The following TCF3 variants were observed in gnomAD, a reference collection of about 807,000 sequenced individuals.
TCF3 encodes transcription factor E2-alpha.
TCF3 carries 54 observed loss-of-function variants against 72.3 expected under a neutral mutation model. That is an observed-to-expected ratio of 0.75 (90% CI 0.60 to 0.94). The LOEUF is 0.94. Ranked by LOEUF, TCF3 falls within the 40% of genes least tolerant of loss-of-function variation. The probability of loss-of-function intolerance (pLI) is 0.00; values close to 1 mark genes in which losing one functional copy is unlikely to be tolerated. For synonymous variants in TCF3, 525 were observed against 412.6 expected (o/e 1.27, Z -3.30); for missense variants, 1,078 against 934.4 (o/e 1.15, Z -2.00).
intron 3 of TCF3, among the ~76,000 whole-genome samples, chr19:1,645,727 C>T (rs1335424333): frequency 6.6e-6 from 1 of 152,166 alleles, no homozygotes; most frequent in Non-Finnish European, 1.5e-5. Flanking sequence ...CCACGTCTCC[C>T]CTATCTGTCC....
In TCF3 at chr19:1,610,199, T is replaced by A. The variant is rs1429586162; in HGVS notation, c.*1508A>T. 1 of 232,058 alleles carries A rather than the reference T, an allele frequency of 4.3e-6. No homozygotes were observed. Among genetic ancestry groups the A allele is most frequent in the African/African-American group, 2.2e-5 (1 of 45,246 alleles). 14.4% of individuals were successfully genotyped at this position (232,058 alleles called of 1,614,324 possible). A position where few individuals can be genotyped will look rare whatever the true frequency, so the allele number is the denominator to read the frequency against. ...CACAGATGGGCCCGAGGGGACACCCTGCTGGTTCTGCAGCAGGGTCGGACG... is the reference window on the plus strand; with the variant it reads ...CACAGATGGGCCCGAGGGGACACCCAGCTGGTTCTGCAGCAGGGTCGGACG... On this transcript the variant is annotated 3_prime_UTR_variant, in exon 19 of 19. Transcript: ENST00000262965.
chr19:1,615,917 G>C lies in TCF3; in HGVS notation c.1451-96C>G. The C allele has an allele frequency of 2.8e-6, 4 of 1,415,518 alleles. No homozygotes were observed. In the Admixed American group the frequency reaches 7.7e-5, roughly 27 times the overall value. 87.7% of individuals were successfully genotyped at this position (1,415,518 alleles called of 1,614,324 possible). A position where few individuals can be genotyped will look rare whatever the true frequency, so the allele number is the denominator to read the frequency against. ...GTGGTGAGGGACTTGGGCTTTCCTGGAAAAACCAGGTCTTGGCCAAAAATA... is the reference window on the plus strand; with the variant it reads ...GTGGTGAGGGACTTGGGCTTTCCTGCAAAAACCAGGTCTTGGCCAAAAATA... On this transcript the variant is annotated intron_variant, in intron 16 of 18. Coordinates refer to ENST00000262965, the MANE Select transcript of TCF3 (RefSeq NM_003200.5). This position sits in a 1 kb window ranked among gnomAD's most constrained non-coding sequence, Gnocchi z 7.3.
chr19:1,632,045 T>A lies in TCF3; in HGVS notation c.291A>T (p.Gly97=). ...SLSSSTFLGP[G]LGGKSGERGA... is the part of the protein sequence containing the mutation. ...ACCAGGCCAGGCACTCACCTCCGAGTCCCGGTCCCAGGAATGTGGATGAAG... is the reference window on the plus strand; with the variant it reads ...ACCAGGCCAGGCACTCACCTCCGAGACCCGGTCCCAGGAATGTGGATGAAG... Residue 97 remains glycine (G), a synonymous_variant, in exon 5 of 19, where the codon GGA becomes GGT. Transcript: ENST00000262965. The A allele has an allele frequency of 6.2e-7, 1 of 1,613,018 alleles. No individual in the cohort carries two copies. Among genetic ancestry groups the A allele is most frequent in the Non-Finnish European group, 8.5e-7 (1 of 1,179,690 alleles).
chr19:1,630,440 C>T (rs1466477471), intron 5 of TCF3, among the ~76,000 whole-genome samples: 3 of 152,190 alleles, frequency 2.0e-5, no homozygotes, highest in Admixed American at 1.3e-4. Context: ...GTCCCTGCCC[C>T]GCTGTGGGGC....
rs2061910325 is a variant in TCF3, at chr19:1,619,451, C to G, written c.1191G>C (p.Leu397=). The change falls in exon 15 of 19, where the codon CTG becomes CTC. Residue 397 remains leucine, a synonymous_variant. Transcript: ENST00000262965. ...TGCGGAGCACGTGGATGGCCTCGTC[C>G]AGGTGGTCTTCTATCTTACTCTGCT... ...HGLQSKIEDH[L]DEAIHVLRSH... The G allele has an allele frequency of 6.3e-7, 1 of 1,585,746 alleles. No homozygotes were observed. The highest frequency in any genetic ancestry group is 8.5e-7 in the Non-Finnish European group (1 of 1,171,508).
At position 1,611,455 on chromosome 19, in the gene TCF3, C is replaced by T; in HGVS notation, c.*252G>A. On this transcript the variant is annotated 3_prime_UTR_variant, in exon 19 of 19. Coordinates refer to ENST00000262965, the MANE Select transcript of TCF3 (RefSeq NM_003200.5). ...ATCCATGGGACAGGTCACAGAGTGA[C>T]ACGGTGGCTGAGATTCGGGGACAGG... 2.1e-6 allele frequency: 1 copy of T among 483,706 alleles called. No homozygotes were observed. The highest frequency in any genetic ancestry group is 3.6e-6 in the Non-Finnish European group (1 of 276,714). 30.0% of individuals were successfully genotyped at this position (483,706 alleles called of 1,614,324 possible).
intron 3 of TCF3, among the ~76,000 whole-genome samples, chr19:1,644,514 G>A (rs147002972): frequency 1.4e-4 from 21 of 152,294 alleles, no homozygotes; most frequent in South Asian, 8.3e-4. Flanking sequence ...CAAAGCCTCC[G>A]CCCTAACGTG....
At chr19:1,612,339 C>T in intron 18 of TCF3, 2 of 1,613,974 alleles carry the variant, frequency 1.2e-6, no homozygotes, top group Non-Finnish European at 1.7e-6. Flanking sequence ...TCGTTAATAT[C>T]CCGCACGCGC....
At chr19:1,619,759 T>TGGG in intron 14 of TCF3, 21 bp downstream of exon 14, 2 of 483,208 alleles carry the variant, frequency 4.1e-6, no homozygotes, top group Non-Finnish European at 5.6e-6. Context: ...AAGGGTGGGG[T>TGGG]GGGGCGGGGC....
In TCF3 at chr19:1,643,345, C is replaced by A. The variant is rs551337448; in HGVS notation, c.145+3010G>T. Among the ~76,000 whole-genome samples the A allele has an allele frequency of 1.1e-4, 17 of 152,264 alleles. No homozygotes were observed. The South Asian group carries it at 2.9e-3, about 26-fold the overall frequency. On this transcript the variant is annotated intron_variant, in intron 3 of 18. Transcript: ENST00000262965. ...CAGCAATCCTCCTGCCTCAGCCTCCCGAGTAGCTGGGACCCCAAGTGTGCG... is the reference window on the plus strand; with the variant it reads ...CAGCAATCCTCCTGCCTCAGCCTCCAGAGTAGCTGGGACCCCAAGTGTGCG...
At position 1,612,066 on chromosome 19, in the gene TCF3, G is replaced by A. The variant is rs542307477; in HGVS notation, c.1823-217C>T. On this transcript the variant is annotated intron_variant, in intron 18 of 18. Transcript: ENST00000262965. Reference sequence around the variant, plus strand: ...GAGTGGGTATCAGGGGGTGTCTGGGGAACATCACTGGGTCTGAGTCCAGCC... The same window carrying A: ...GAGTGGGTATCAGGGGGTGTCTGGGAAACATCACTGGGTCTGAGTCCAGCC... 2.6e-5 allele frequency: 23 copies of A among 886,894 alleles called. No homozygotes were observed. The East Asian group carries it at 5.6e-4, about 22-fold the overall frequency. 54.9% of individuals were successfully genotyped at this position (886,894 alleles called of 1,614,324 possible).
At position 1,615,294 on chromosome 19, in the gene TCF3, G is replaced by A. The variant is rs1394939806; in HGVS notation, c.1813C>T (p.Gln605Ter). Residue 605 changes from glutamine to a stop codon, truncating the protein, a stop_gained, in exon 18 of 19, where the codon CAA (glutamine) becomes TAA (stop). Coordinates refer to ENST00000262965, the MANE Select transcript of TCF3 (RefSeq NM_003200.5). LOFTEE classifies it low-confidence loss of function (END_TRUNC). The surrounding 1 kb of genome is among the most constrained non-coding windows in gnomAD (Gnocchi z 7.3). ...AVSVILNLEQQVRERNLNPKA... is the reference protein window; with the variant it reads ...AVSVILNLEQ ...CCGCGCCCCCACTGACCTCGCACTT[G>A]CTGCTCCAAGTTCAGGATGACCGAG... is the stretch of plus-strand genomic sequence containing the variant. The A allele has an allele frequency of 6.3e-7, 1 of 1,593,048 alleles. No homozygotes were observed. The highest frequency in any genetic ancestry group is 8.6e-7 in the Non-Finnish European group (1 of 1,164,412).
chr19:1,612,059 G>A (rs1004043011), intron 18 of TCF3: 23 of 850,658 alleles, frequency 2.7e-5, no homozygotes, highest in Admixed American at 5.8e-5. Context: ...ATCAGGGGGT[G>A]TCTGGGGAAC....
chr19:1,647,953 C>A (rs1373325090), intron 2 of TCF3, among the ~76,000 whole-genome samples: 4 of 152,198 alleles, frequency 2.6e-5, no homozygotes, highest in Non-Finnish European at 5.9e-5. Context: ...GGGGAGCTCG[C>A]TTCCAACAGC....
At chr19:1,650,965 GA>G (rs112739589) in intron 1 of TCF3, 44 of 202,970 alleles carry the variant, frequency 2.2e-4, no homozygotes, top group East Asian at 6.7e-4. Context: ...ATTCAGGAAA[GA>G]AAAAAAAAAC....
At chr19:1,633,495 A>G (rs2063977743) in intron 3 of TCF3, among the ~76,000 whole-genome samples, 1 of 151,818 alleles carries the variant, frequency 6.6e-6, no homozygotes, top group Non-Finnish European at 1.5e-5. Flanking sequence ...CACACCAGAA[A>G]CTTCTTTCAA....
At position 1,646,514 on chromosome 19, in the gene TCF3, G is replaced by A. The variant is rs1027946131; in HGVS notation, c.73-87C>T. 19 of 1,266,268 alleles carry A rather than the reference G, an allele frequency of 1.5e-5. No homozygotes were observed. The African/African-American group carries it at 2.2e-4, about 15-fold the overall frequency. 78.4% of individuals were successfully genotyped at this position (1,266,268 alleles called of 1,614,324 possible). On this transcript the variant is annotated intron_variant, in intron 2 of 18. Coordinates refer to ENST00000262965, the MANE Select transcript of TCF3 (RefSeq NM_003200.5). Reference sequence around the variant, plus strand: ...GGTTCAAACCCAAGCTGGGAGCAGAGCTGGGGACACCCGGGAACCTGAGAC... The same window carrying A: ...GGTTCAAACCCAAGCTGGGAGCAGAACTGGGGACACCCGGGAACCTGAGAC...
intron 8 of TCF3, among the ~76,000 whole-genome samples, chr19:1,623,635 C>T (rs1038321060): frequency 6.6e-6 from 1 of 152,126 alleles, no homozygotes; most frequent in Non-Finnish European, 1.5e-5. Flanking sequence ...CCACCCACCT[C>T]GGCCTCCCAA....
At position 1,615,438 on chromosome 19, in the gene TCF3, G is replaced by A. The variant is rs767680626; in HGVS notation, c.1669C>T (p.Arg557Trp). 8 of 1,613,414 alleles carry A rather than the reference G, an allele frequency of 5.0e-6. No individual in the cohort carries two copies. Among genetic ancestry groups the A allele is most frequent in the Non-Finnish European group, 1.7e-6 (2 of 1,179,994 alleles). The change falls in exon 18 of 19, where the codon CGG becomes TGG. Residue 557 changes from arginine to tryptophan, a missense_variant. Arg to Trp is a moderately radical substitution (Grantham distance 101, BLOSUM62 -3). Coordinates refer to ENST00000262965, the MANE Select transcript of TCF3 (RefSeq NM_003200.5). The surrounding 1 kb of genome is among the most constrained non-coding windows in gnomAD (Gnocchi z 7.3). ...EKERRVANNARERLRVRDINE... is the reference protein window; with the variant it reads ...EKERRVANNAWERLRVRDINE... ...ATGTCACGGACCCGCAGCCGCTCCC[G>A]GGCGTTATTGGCCACCCGGCGCTCC...
Sources: gnomAD v4.1 joint callset for allele counts (sites outside exome capture counted in the v4.1 genomes callset) on GRCh38, gnomAD v4.1.1 for gene constraint, Gnocchi (gnomAD v3.1) non-coding constraint, MANE v1.5 for transcripts, NCBI Gene and HGNC (gene_info 2026-07-23, HGNC 2026-07-21) for gene names.